Variants in ARFGEF2 observed in about 807,000 individuals in gnomAD.
ARFGEF2 encodes the protein ARF guanine nucleotide exchange factor 2.
ARFGEF2 carries 74 observed loss-of-function variants against 219.9 expected under a neutral mutation model. The ratio of observed to expected loss-of-function variants is 0.34; its 90% CI spans 0.28 to 0.41. The LOEUF is 0.41. Ranked by LOEUF, ARFGEF2 falls within the 10% of genes least tolerant of loss-of-function variation. The pLI is 1.00. For synonymous variants in ARFGEF2, 733 were observed against 799.2 expected (o/e 0.92, Z 1.40); for missense variants, 1,743 against 2,218.3 (o/e 0.79, Z 4.30).
chr20:48,971,949 C>T (rs978447114), intron 10 of ARFGEF2, among the ~76,000 whole-genome samples: 1 of 152,128 alleles, frequency 6.6e-6, no homozygotes, highest in Admixed American at 6.5e-5. Flanking sequence ...TTCATTTTAA[C>T]CAATATGGTC....
chr20:48,936,845 A>G lies in ARFGEF2; in HGVS notation c.122-4354A>G, dbSNP rs567062265. ...TCGGGCCTTGATTTACGTTTCTCTA[A>G]TGACCAGAGATGATGAGCTGTTTTT... On this transcript the variant is annotated intron_variant, in intron 1 of 38. Coordinates refer to ENST00000371917, the MANE Select transcript of ARFGEF2 (RefSeq NM_006420.3). 6.6e-5 allele frequency among the ~76,000 whole-genome samples: 10 copies of G among 152,114 alleles called. No homozygotes were observed. In the East Asian group the frequency reaches 7.8e-4, roughly 12 times the overall value.
intron 25 of ARFGEF2, among the ~76,000 whole-genome samples, chr20:49,000,446 G>A (rs2091418537): frequency 6.6e-6 from 1 of 152,182 alleles, no homozygotes; most frequent in Non-Finnish European, 1.5e-5. Context: ...TTTGGAGGTG[G>A]CCTTGAGAGG....
intron 1 of ARFGEF2, 94 bp downstream of exon 1, chr20:48,922,104 G>T: frequency 6.8e-7 from 1 of 1,481,344 alleles, no homozygotes; most frequent in South Asian, 1.3e-5. Context: ...CCTGGCCTCC[G>T]CTTCCCCCCG....
At position 48,988,496 on chromosome 20, in the gene ARFGEF2, AAAT is replaced by A; in HGVS notation, c.2370_2372del (p.Asn790del). 2 of 1,612,752 alleles carry A rather than the reference AAAT, an allele frequency of 1.2e-6. No individual in the cohort carries two copies. Among genetic ancestry groups the A allele is most frequent in the Non-Finnish European group, 1.7e-6 (2 of 1,179,216 alleles). The stretch of plus-strand genomic sequence containing the variant: ...TTAATTTTTTTTAATTACAGGTAAA[AAAT>A]AAAATGACGAAAGAGCAGTATATTA... On this transcript the variant is annotated inframe_deletion, in exon 18 of 39. Coordinates refer to ENST00000371917, the MANE Select transcript of ARFGEF2 (RefSeq NM_006420.3).
chr20:49,001,946 T>C (rs2091427598), intron 25 of ARFGEF2, among the ~76,000 whole-genome samples: 1 of 152,222 alleles, frequency 6.6e-6, no homozygotes, highest in Admixed American at 6.5e-5. Context: ...TAAGAAATTG[T>C]AATAAAATAC....
chr20:48,960,537 G>A (rs2091141260), intron 6 of ARFGEF2, among the ~76,000 whole-genome samples: 1 of 151,404 alleles, frequency 6.6e-6, no homozygotes, highest in Non-Finnish European at 1.5e-5. Context: ...AGGCTGGAGT[G>A]CAGTGGCACG....
chr20:48,956,348 T>C (rs574954529), intron 6 of ARFGEF2, among the ~76,000 whole-genome samples: 1 of 152,312 alleles, frequency 6.6e-6, no homozygotes, highest in East Asian at 1.9e-4. Flanking sequence ...ATGTTATTTG[T>C]GTAGATGAAG....
At chr20:48,997,969 T>C (rs2091402335) in intron 23 of ARFGEF2, 1 of 526,872 alleles carries the variant, frequency 1.9e-6, no homozygotes, top group South Asian at 2.0e-5. Context: ...GCGAATCTTC[T>C]GCTTCAGCCT....
rs114133560 is a variant in ARFGEF2, at chr20:48,988,721, A to T, written c.2533+59A>T. On this transcript the variant is annotated intron_variant, in intron 18 of 38. Transcript: ENST00000371917. ...CTAATTTTTTAGTGTATCAGAATGCATGATTAAATACTCTGGTGATAAATT... is the reference window on the plus strand; with the variant it reads ...CTAATTTTTTAGTGTATCAGAATGCTTGATTAAATACTCTGGTGATAAATT... The T allele has an allele frequency of 1.6e-3, 2,396 of 1,466,136 alleles. 16 individuals are homozygous for T. In the African/African-American group the frequency reaches 0.021, roughly 13 times the overall value. 90.8% of individuals were successfully genotyped at this position (1,466,136 alleles called of 1,614,324 possible). A position where few individuals can be genotyped will look rare whatever the true frequency, so the allele number is the denominator to read the frequency against.
In ARFGEF2 at chr20:49,005,202, C is replaced by T. The variant is rs1189770046; in HGVS notation, c.3565C>T (p.His1189Tyr). ...FQKDFLRPFE[H>Y]IMKKNRSPTI... is the part of the protein sequence containing the mutation. Reference sequence around the variant, plus strand: ...GAAAGATTTTCTGAGGCCCTTTGAGCATATTATGAAGAAAAACAGGTATGT... The same window carrying T: ...GAAAGATTTTCTGAGGCCCTTTGAGTATATTATGAAGAAAAACAGGTATGT... The change falls in exon 26 of 39, where the codon CAT becomes TAT. Residue 1189 changes from histidine to tyrosine, a missense_variant. Coordinates refer to ENST00000371917, the MANE Select transcript of ARFGEF2 (RefSeq NM_006420.3). 1 of 1,614,158 alleles carries T rather than the reference C, an allele frequency of 6.2e-7. No homozygotes were observed. The highest frequency in any genetic ancestry group is 8.5e-7 in the Non-Finnish European group (1 of 1,180,030).
chr20:48,971,504 C>T (rs2091227328), intron 10 of ARFGEF2, 150 bp downstream of exon 10: 1 of 769,274 alleles, frequency 1.3e-6, no homozygotes, highest in African/African-American at 1.7e-5. Context: ...TCCTGGAACT[C>T]AGAAGTGGGC....
chr20:48,951,818 C>A (rs932193198), intron 4 of ARFGEF2, among the ~76,000 whole-genome samples: 1 of 152,196 alleles, frequency 6.6e-6, no homozygotes, highest in African/African-American at 2.4e-5. Flanking sequence ...CTCTGTCCTA[C>A]TTCCCTGTTC....
At chr20:48,959,469 TTCTCTCCTTC>T (rs1253445990) in intron 6 of ARFGEF2, among the ~76,000 whole-genome samples, 1 of 2,154 alleles carries the variant, frequency 4.6e-4, no homozygotes, top group Admixed American at 4.2e-3. Flanking sequence ...CCCTCCCTTC[TTCTCTCCTTC>T]TCTTTTCCTC....
intron 3 of ARFGEF2, among the ~76,000 whole-genome samples, chr20:48,948,664 C>T (rs564743190): frequency 1.3e-5 from 2 of 152,310 alleles, no homozygotes; most frequent in East Asian, 1.9e-4. Context: ...AGAAACCAAC[C>T]GCATAGCATT....
intron 3 of ARFGEF2, among the ~76,000 whole-genome samples, chr20:48,942,870 A>G (rs529906759): frequency 6.6e-6 from 1 of 152,272 alleles, no homozygotes; most frequent in Non-Finnish European, 1.5e-5. Flanking sequence ...GGTTCCTGCA[A>G]GCCTTTAGTC....
At chr20:48,930,973 A>C (rs1318996784) in intron 1 of ARFGEF2, among the ~76,000 whole-genome samples, 1 of 152,200 alleles carries the variant, frequency 6.6e-6, no homozygotes, top group Non-Finnish European at 1.5e-5. Context: ...GAAGTCGAGA[A>C]AATTTGAGAG....
chr20:49,000,903 A>G (rs1365478463), intron 25 of ARFGEF2, among the ~76,000 whole-genome samples: 3 of 152,086 alleles, frequency 2.0e-5, no homozygotes, highest in Non-Finnish European at 4.4e-5. Context: ...GTGTGTGCCA[A>G]TTCTCAGTAT....
intron 30 of ARFGEF2, among the ~76,000 whole-genome samples, chr20:49,015,587 A>G (rs2091524915): frequency 6.6e-6 from 1 of 152,210 alleles, no homozygotes; most frequent in Admixed American, 6.5e-5. Context: ...AAGTGGCCCA[A>G]CTGCCAGGTT....
chr20:48,959,472 TC>T (rs2091128083), intron 6 of ARFGEF2, among the ~76,000 whole-genome samples: 1 of 2,308 alleles, frequency 4.3e-4, no homozygotes, highest in African/African-American at 1.8e-3. Context: ...TCCCTTCTTC[TC>T]TCCTTCTCTT....
Sources: allele counts gnomAD v4.1 joint callset (sites outside exome capture counted in the v4.1 genomes callset), GRCh38; gene constraint gnomAD v4.1.1; transcripts MANE v1.5; gene names NCBI Gene and HGNC (gene_info 2026-07-23, HGNC 2026-07-21).